CACNA2D4: variants seen among roughly 807,000 people sequenced by gnomAD.
The protein encoded by CACNA2D4 is voltage-dependent calcium channel subunit alpha-2/delta-4.
CACNA2D4 carries 157 observed loss-of-function variants against 163.8 expected under a neutral mutation model. The observed-to-expected ratio is 0.96, with a 90% CI of 0.84 to 1.09. CACNA2D4 has a LOEUF of 1.09. CACNA2D4 is among the 50% of genes least tolerant of loss of function. The pLI is 0.00. For missense variants in CACNA2D4, 1,410 were observed against 1,479.9 expected (o/e 0.95, Z 0.78); for synonymous variants, 598 against 586.9 (o/e 1.02, Z -0.27).
At chr12:1,810,016 G>A (rs920866505) in intron 29 of CACNA2D4, among the ~76,000 whole-genome samples, 1 of 152,246 alleles carries the variant, frequency 6.6e-6, no homozygotes, top group African/African-American at 2.4e-5. Context: ...CCAGGCACGG[G>A]AGGAGGCCAG....
intron 6 of CACNA2D4, among the ~76,000 whole-genome samples, chr12:1,887,470 T>G (rs750490361): frequency 5.3e-5 from 8 of 152,182 alleles, no homozygotes; most frequent in Non-Finnish European, 1.5e-5. Context: ...TGCCTCTAGG[T>G]GTTAAGCTCA....
Position 1,874,662 on chromosome 12 carries a change from A to G in CACNA2D4, c.1820T>C (p.Met607Thr). 1 of 1,612,652 alleles carries G rather than the reference A, an allele frequency of 6.2e-7. No homozygotes were observed. Among genetic ancestry groups the G allele is most frequent in the Non-Finnish European group, 8.5e-7 (1 of 1,178,744 alleles). Residue 607 changes from methionine (M) to threonine (T), a missense_variant, in exon 18 of 38, where the codon ATG becomes ACG. Coordinates refer to ENST00000382722, the MANE Select transcript of CACNA2D4 (RefSeq NM_172364.5). The surrounding 1 kb of genome is among the most constrained non-coding windows in gnomAD (Gnocchi z 4.4). Reference protein sequence around the residue: ...EDQAESLRTAMINRETGTLSM... With the variant: ...EDQAESLRTATINRETGTLSM... ...GAGAGTACCTGTTTCCCTATTGATC[A>G]TGGCTGTTCTCAGCTTCAGGAGGAA...
intron 18 of CACNA2D4, among the ~76,000 whole-genome samples, chr12:1,871,446 TTGC>T (rs1193804502): frequency 6.1e-5 from 9 of 147,812 alleles, no homozygotes; most frequent in Non-Finnish European, 1.0e-4. Context: ...CACCTGTATG[TTGC>T]TGGTGTGTGT....
At chr12:1,794,337 A>G (rs10773998) in intron 37 of CACNA2D4, among the ~76,000 whole-genome samples, 64,299 of 151,616 alleles carry the variant, frequency 0.42, 16,052 homozygotes, top group Non-Finnish European at 0.56. Flanking sequence ...GTGCTTTCAC[A>G]CCAGCACTTC....
In CACNA2D4 at chr12:1,792,816, G is replaced by T. The variant is rs1385369969; in HGVS notation, c.*839C>A. On this transcript the variant is annotated 3_prime_UTR_variant, in exon 38 of 38. Transcript: ENST00000382722. ...TTTGTAAATCATTGGCCAGAAAAGA[G>T]CACAACCACTGCTCTTTTTCACTAT... 6.6e-6 allele frequency: 1 copy of T among 152,190 alleles called. No individual in the cohort carries two copies. Among genetic ancestry groups the T allele is most frequent in the Non-Finnish European group, 1.5e-5 (1 of 68,026 alleles). 9.4% of individuals were successfully genotyped at this position (152,190 alleles called of 1,614,324 possible). A position where few individuals can be genotyped will look rare whatever the true frequency, so the allele number is the denominator to read the frequency against.
At chr12:1,871,670 T>A (rs909361529) in intron 18 of CACNA2D4, among the ~76,000 whole-genome samples, 3 of 151,716 alleles carry the variant, frequency 2.0e-5, no homozygotes, top group Admixed American at 2.0e-4. Flanking sequence ...GTGCTGCTGG[T>A]ATGTGTGTAC....
At chr12:1,825,905 T>G (rs1282684710) in intron 26 of CACNA2D4, among the ~76,000 whole-genome samples, 10 of 152,158 alleles carry the variant, frequency 6.6e-5, no homozygotes, top group African/African-American at 2.4e-4. Flanking sequence ...CCGTGGACTG[T>G]GAGCTCTTGA....
At position 1,896,606 on chromosome 12, in the gene CACNA2D4, A is replaced by AACACACACACAC. The variant is rs61535168; in HGVS notation, c.782-9549_782-9538dup. On this transcript the variant is annotated intron_variant, in intron 6 of 37. Coordinates refer to ENST00000382722, the MANE Select transcript of CACNA2D4 (RefSeq NM_172364.5). ...ATCCCAGTTAGAATAGCTATTAATA[A>AACACACACACAC]ACACACACACACACACACACACACA... Among the ~76,000 whole-genome samples the AACACACACACAC allele has an allele frequency of 6.9e-5, 9 of 130,720 alleles. No individual in the cohort carries two copies. The South Asian group carries it at 7.4e-4, about 11-fold the overall frequency. The allele number at this position is 130,720 out of a possible 152,430, so 85.8% of individuals were successfully genotyped here.
rs1382282137 is a variant in CACNA2D4 at position 1,907,946 on chromosome 12, G to A, written c.578C>T (p.Ala193Val). The A allele has an allele frequency of 6.2e-7, 1 of 1,613,956 alleles. No homozygotes were observed. The highest frequency in any genetic ancestry group is 2.2e-5 in the East Asian group (1 of 44,904). ...GTTCACCGGCAGGTTGCTGAAGTGA[G>A]CATTGGACTCCAGGAGGAACTCGGC... Reference protein sequence around the residue: ...LGAEFLLESNAHFSNLPVNTS... With the variant: ...LGAEFLLESNVHFSNLPVNTS... The change falls in exon 5 of 38, where the codon GCT (alanine) becomes GTT (valine). Residue 193 changes from alanine (A) to valine (V), a missense_variant. Coordinates refer to ENST00000382722, the MANE Select transcript of CACNA2D4 (RefSeq NM_172364.5).
At chr12:1,891,417 T>C (rs1052317126) in intron 6 of CACNA2D4, among the ~76,000 whole-genome samples, 2 of 152,162 alleles carry the variant, frequency 1.3e-5, no homozygotes, top group African/African-American at 2.4e-5. Context: ...ACCATAGATA[T>C]AGCTTTAGGA....
Position 1,828,872 on chromosome 12 carries a change from C to T in CACNA2D4, c.2551+11867G>A, listed in dbSNP as rs548328397. On this transcript the variant is annotated intron_variant, in intron 26 of 37. Coordinates refer to ENST00000382722, the MANE Select transcript of CACNA2D4 (RefSeq NM_172364.5). This position sits in a 1 kb window ranked among gnomAD's most constrained non-coding sequence, Gnocchi z 4.2. ...TTGGCAGCTGTCAGGGTGAAAGGAG[C>T]CCTGAGAATTCTCTTTATATGTGGC... Among the ~76,000 whole-genome samples, 1 of 152,290 alleles carries T rather than the reference C, an allele frequency of 6.6e-6. No individual in the cohort carries two copies. Among genetic ancestry groups the T allele is most frequent in the African/African-American group, 2.4e-5 (1 of 41,558 alleles).
At position 1,820,108 on chromosome 12, in the gene CACNA2D4, C is replaced by G. The variant is rs987601120; in HGVS notation, c.2552-8385G>C. 3.3e-5 allele frequency among the ~76,000 whole-genome samples: 5 copies of G among 152,204 alleles called. No homozygotes were observed. The highest frequency in any genetic ancestry group is 5.9e-5 in the Non-Finnish European group (4 of 68,050). ...ATGGGAGACTCTGCCTCGCATGTCT[C>G]TAAAACAGGAGAAAGACCAGCTTCC... On this transcript the variant is annotated intron_variant, in intron 26 of 37. Transcript: ENST00000382722. The surrounding 1 kb of genome is among the most constrained non-coding windows in gnomAD (Gnocchi z 6.0).
chr12:1,888,998 C>T (rs890716952), intron 6 of CACNA2D4, among the ~76,000 whole-genome samples: 1 of 152,176 alleles, frequency 6.6e-6, no homozygotes, highest in African/African-American at 2.4e-5. Flanking sequence ...AGAAAGCCCA[C>T]GACACCTACA....
rs544793185 is a variant in CACNA2D4 at position 1,865,365 on chromosome 12, A to G, written c.1879-5159T>C. 5.3e-5 allele frequency among the ~76,000 whole-genome samples: 8 copies of G among 152,308 alleles called. No individual in the cohort carries two copies. In the South Asian group the frequency reaches 1.2e-3, roughly 24 times the overall value. The stretch of plus-strand genomic sequence containing the variant: ...AAAATGTGTGTGTCTGACAAGTTGT[A>G]AACAAAACTCATGAGCTGGACGCTG... On this transcript the variant is annotated intron_variant, in intron 18 of 37. Transcript: ENST00000382722.
At position 1,801,082 on chromosome 12, in the gene CACNA2D4, G is replaced by A; in HGVS notation, c.2829C>T (p.Pro943=). ...TMYDYQAMCK[P]SSHHHSAAQP... ...GGGCTGCACTGTGGTGGTGACTCGA[G>A]GGTTTGCACATGGCCTGATAGTCAT... The change falls in exon 31 of 38, where the codon CCC becomes CCT. Residue 943 remains proline, a synonymous_variant. Coordinates refer to ENST00000382722, the MANE Select transcript of CACNA2D4 (RefSeq NM_172364.5). The A allele has an allele frequency of 6.2e-7, 1 of 1,613,824 alleles. No homozygotes were observed. Among genetic ancestry groups the A allele is most frequent in the Non-Finnish European group, 8.5e-7 (1 of 1,179,882 alleles).
chr12:1,873,934 G>A (rs905250971), intron 18 of CACNA2D4, among the ~76,000 whole-genome samples: 1 of 152,204 alleles, frequency 6.6e-6, no homozygotes, highest in Non-Finnish European at 1.5e-5. Flanking sequence ...GGGTCTAATT[G>A]CTGCAGGCAG....
At chr12:1,881,077 C>T (rs962719474) in intron 13 of CACNA2D4, among the ~76,000 whole-genome samples, 6 of 152,130 alleles carry the variant, frequency 3.9e-5, no homozygotes, top group Non-Finnish European at 8.8e-5. Context: ...GAAGTGGGTC[C>T]GGGAGACCTG....
chr12:1,884,956 C>T, intron 10 of CACNA2D4, 31 bp downstream of exon 10: 1 of 1,607,214 alleles, frequency 6.2e-7, no homozygotes, highest in South Asian at 1.1e-5. Context: ...CCTCCCAGTC[C>T]TCCCCTCCCA....
chr12:1,822,951 G>T (rs1400890224), intron 26 of CACNA2D4, among the ~76,000 whole-genome samples: 1 of 152,218 alleles, frequency 6.6e-6, no homozygotes, highest in East Asian at 1.9e-4. Flanking sequence ...GAAGGGCACG[G>T]CCCCTGCAGG....
Sources: allele counts gnomAD v4.1 joint callset (sites outside exome capture counted in the v4.1 genomes callset), GRCh38; gene constraint gnomAD v4.1.1; non-coding constraint Gnocchi (gnomAD v3.1); transcripts MANE v1.5; gene names NCBI Gene and HGNC (gene_info 2026-07-23, HGNC 2026-07-21).